FABP12: variants seen among roughly 807,000 people sequenced by gnomAD.
The protein encoded by FABP12 is fatty acid-binding protein 12.
A neutral mutation model predicts 13.7 loss-of-function variants in FABP12; 19 were observed. That is an observed-to-expected ratio of 1.39 (90% CI 0.97 to 2.04). The LOEUF (loss-of-function observed/expected upper bound fraction) is 2.04. Among genes scored for constraint, FABP12 ranks in the 30% most tolerant of loss-of-function variants. The pLI is 0.00. For missense variants in FABP12, 182 were observed against 164.2 expected (o/e 1.11, Z -0.59); for synonymous variants, 61 against 57.0 (o/e 1.07, Z -0.32).
chr8:81,561,281 T>C (rs1444034630), intron 1 of FABP12, among the ~76,000 whole-genome samples: 1 of 152,198 alleles, frequency 6.6e-6, no homozygotes, highest in Non-Finnish European at 1.5e-5. Flanking sequence ...GAAAATAATC[T>C]ATATAATAGA....
At chr8:81,572,123 C>A (rs1330507108) in intron 1 of FABP12, among the ~76,000 whole-genome samples, 1 of 150,804 alleles carries the variant, frequency 6.6e-6, no homozygotes, top group Admixed American at 6.6e-5. Context: ...TCTTCCCCCC[C>A]AAGTCCCCAA....
chr8:81,550,663 A>G (rs1365753206), intron 1 of FABP12, among the ~76,000 whole-genome samples: 1 of 152,164 alleles, frequency 6.6e-6, no homozygotes, highest in East Asian at 1.9e-4. Flanking sequence ...AAATCACACA[A>G]ATCAATGTAA....
chr8:81,560,171 C>A (rs1408945204), intron 1 of FABP12, among the ~76,000 whole-genome samples: 1 of 152,150 alleles, frequency 6.6e-6, no homozygotes, highest in Non-Finnish European at 1.5e-5. Flanking sequence ...CGAAGACTTA[C>A]AATAAAGAAT....
chr8:81,546,803 T>C (rs1809440845), intron 1 of FABP12, among the ~76,000 whole-genome samples: 1 of 152,248 alleles, frequency 6.6e-6, no homozygotes, highest in African/African-American at 2.4e-5. Flanking sequence ...AACCCTTGCA[T>C]ATTTTGTTTC....
In FABP12 at chr8:81,529,488, TA is replaced by T; in HGVS notation, c.195del (p.Phe65LeufsTer21). The T allele has an allele frequency of 6.2e-7, 1 of 1,613,964 alleles. No individual in the cohort carries two copies. The highest frequency in any genetic ancestry group is 2.2e-5 in the East Asian group (1 of 44,878). On this transcript the variant is annotated frameshift_variant, in exon 3 of 5. Transcript: ENST00000360464. LOFTEE classifies it high-confidence loss of function. ...ATTTCCTCAAACTCTTCTCCCAGCT[TA>T]AAGGAGATCTCATTATTTTTAAAGA...
intron 2 of FABP12, among the ~76,000 whole-genome samples, chr8:81,530,060 T>C (rs1225239917): frequency 6.6e-6 from 1 of 152,200 alleles, no homozygotes; most frequent in Non-Finnish European, 1.5e-5. Context: ...TATATATATA[T>C]GGGTTTGTTT....
At chr8:81,534,047 A>G (rs1305194968), upstream of FABP12, among the ~76,000 whole-genome samples, 2 of 152,018 alleles carry the variant, frequency 1.3e-5, no homozygotes, top group Non-Finnish European at 2.9e-5. Flanking sequence ...AGATGGCATG[A>G]TCTTTCTTCA....
Position 81,568,096 on chromosome 8 carries a change from G to A in FABP12, c.-185+21957C>T, listed in dbSNP as rs1164354059. 2.7e-5 allele frequency among the ~76,000 whole-genome samples: 4 copies of A among 149,078 alleles called. No individual in the cohort carries two copies. In the East Asian group the frequency reaches 8.0e-4, roughly 30 times the overall value. ...CGAGATTGCGCCACTGCAGTCCGCA[G>A]TCCCGCCTGGGCGACAGAGCGAGAC... On this transcript the variant is annotated intron_variant, in intron 1 of 5. Coordinates refer to the FABP12 transcript ENST00000692030.
intron 1 of FABP12, among the ~76,000 whole-genome samples, chr8:81,562,838 G>A (rs770077612): frequency 1.1e-4 from 17 of 152,214 alleles, no homozygotes; most frequent in Non-Finnish European, 1.5e-4. Flanking sequence ...CACAGGATCC[G>A]GGGGAACTTA....
chr8:81,583,579 A>T (rs1480517185), intron 1 of FABP12, among the ~76,000 whole-genome samples: 3 of 152,140 alleles, frequency 2.0e-5, no homozygotes, highest in African/African-American at 7.2e-5. Flanking sequence ...ACACTAAAAA[A>T]CTGGAAAGAC....
At chr8:81,529,635 T>C in intron 2 of FABP12, 25 bp from the exon 3 acceptor site, 1 of 1,593,022 alleles carries the variant, frequency 6.3e-7, no homozygotes, top group South Asian at 1.1e-5. Context: ...AAAGGAGTAT[T>C]ATCTTTTTGC....
intron 4 of FABP12, chr8:81,525,896 G>A (rs1240022909): frequency 6.6e-6 from 1 of 152,150 alleles, no homozygotes; most frequent in African/African-American, 2.4e-5. Context: ...CTTTGGCAAA[G>A]ACACTTTCTA....
chr8:81,527,057 G>T (rs1184600563), exon 4 of FABP12: 1 of 1,611,826 alleles, frequency 6.2e-7, no homozygotes, highest in Non-Finnish European at 8.5e-7. Flanking sequence ...TCTCGTTATG[G>T]TGGTTTCTTT....
chr8:81,576,492 AACACAAACACACAC>A (rs1810048671), intron 1 of FABP12, among the ~76,000 whole-genome samples: 1 of 151,882 alleles, frequency 6.6e-6, no homozygotes, highest in Non-Finnish European at 1.5e-5. Flanking sequence ...TGTTATATAT[AACACAAACACACAC>A]ACACAAACAC....
rs187567946 is a variant in FABP12, at chr8:81,572,122, C to G, written c.-185+17931G>C. ...CCTTGCCCCCTCCCACTCTTCCCCC[C>G]CAAGTCCCCAAAGTCCATTGTATCA... On this transcript the variant is annotated intron_variant, in intron 1 of 5. Coordinates refer to the FABP12 transcript ENST00000692030. Among the ~76,000 whole-genome samples, 87 of 151,312 alleles carry G rather than the reference C, an allele frequency of 5.7e-4. 1 individual carries two copies. In the East Asian group the frequency reaches 6.0e-3, roughly 10 times the overall value.
chr8:81,537,599 A>G (rs534253816), upstream of FABP12, among the ~76,000 whole-genome samples: 2 of 152,234 alleles, frequency 1.3e-5, no homozygotes, highest in Non-Finnish European at 2.9e-5. Flanking sequence ...CGACCTAAAT[A>G]TCTGCATGAG....
chr8:81,549,153 T>C (rs1809485706), intron 1 of FABP12, among the ~76,000 whole-genome samples: 1 of 151,964 alleles, frequency 6.6e-6, no homozygotes, highest in Admixed American at 6.6e-5. Context: ...ATTTTGGACT[T>C]GACCCTCCAT....
upstream of FABP12, among the ~76,000 whole-genome samples, chr8:81,534,091 A>C (rs1450971920): frequency 6.6e-6 from 1 of 152,078 alleles, no homozygotes; most frequent in South Asian, 2.1e-4. Flanking sequence ...ATGCTCACCC[A>C]CACACATACA....
chr8:81,571,090 C>T (rs1809923624), intron 1 of FABP12, among the ~76,000 whole-genome samples: 1 of 152,116 alleles, frequency 6.6e-6, no homozygotes, highest in African/African-American at 2.4e-5. Flanking sequence ...TTGTGGGTGG[C>T]CAAGGTCTGG....
Sources: gnomAD v4.1 joint callset for allele counts (sites outside exome capture counted in the v4.1 genomes callset) on GRCh38, gnomAD v4.1.1 for gene constraint, MANE v1.5 for transcripts, NCBI Gene and HGNC (gene_info 2026-07-23, HGNC 2026-07-21) for gene names.